ZC3H8: variants seen among roughly 807,000 people sequenced by gnomAD.
ZC3H8 encodes zinc finger CCCH domain-containing protein 8.
ZC3H8 carries 27 observed loss-of-function variants against 42.5 expected under a neutral mutation model. That is an observed-to-expected ratio of 0.64 (90% CI 0.47 to 0.88). The LOEUF (loss-of-function observed/expected upper bound fraction) is 0.88, where lower values mean the gene tolerates loss of function less well. ZC3H8 is among the 40% of genes least tolerant of loss of function. The probability of loss-of-function intolerance (pLI) is 0.00; values close to 1 mark genes in which losing one functional copy is unlikely to be tolerated. For missense variants in ZC3H8, 277 were observed against 336.1 expected, an observed-to-expected ratio of 0.82 and a Z score of 1.37; for synonymous variants, 101 against 110.1, an observed-to-expected ratio of 0.92 and a Z score of 0.52.
At chr2:112,226,679 T>C (rs977266543) in intron 8 of ZC3H8, among the ~76,000 whole-genome samples, 5 of 140,386 alleles carry the variant, frequency 3.6e-5, no homozygotes, top group African/African-American at 1.4e-4. Context: ...TTCCAGAAAA[T>C]AGGGGAAGCT....
intron 2 of ZC3H8, among the ~76,000 whole-genome samples, chr2:112,244,762 G>A (rs1482639176): frequency 4.6e-5 from 7 of 152,194 alleles, no homozygotes; most frequent in Admixed American, 1.3e-4. Flanking sequence ...CATGAACCAT[G>A]CCCACATAAG....
chr2:112,236,696 C>A lies in ZC3H8; in HGVS notation c.371-1G>T. The stretch of plus-strand genomic sequence containing the variant: ...AGATTTTTATTTTTTTGTTTAGCAG[C>A]TAAAAACAAAAAATTAATTTAAAAA... On this transcript the variant is annotated splice_acceptor_variant, in intron 3 of 8. Coordinates refer to ENST00000409573, the MANE Select transcript of ZC3H8 (RefSeq NM_032494.3). LOFTEE classifies it high-confidence loss of function. The A allele has an allele frequency of 6.2e-7, 1 of 1,600,078 alleles. No homozygotes were observed. Among genetic ancestry groups the A allele is most frequent in the South Asian group, 1.1e-5 (1 of 88,938 alleles).
chr2:112,251,281 T>C (rs1685938596), intron 1 of ZC3H8, among the ~76,000 whole-genome samples: 1 of 152,206 alleles, frequency 6.6e-6, no homozygotes, highest in Non-Finnish European at 1.5e-5. Flanking sequence ...GCTCCGTGGC[T>C]GTTCTTTCAA....
At chr2:112,237,752 T>G (rs1685402513) in intron 3 of ZC3H8, among the ~76,000 whole-genome samples, 1 of 151,952 alleles carries the variant, frequency 6.6e-6, no homozygotes, top group Admixed American at 6.6e-5. Context: ...CTTTTTTTTA[T>G]TTTTAGGTTT....
At chr2:112,232,180 C>T (rs1337156382) in intron 6 of ZC3H8, among the ~76,000 whole-genome samples, 1 of 151,772 alleles carries the variant, frequency 6.6e-6, no homozygotes, top group Admixed American at 6.6e-5. Flanking sequence ...GGCATGGTGG[C>T]GCAGGCATGC....
chr2:112,231,352 A>T (rs1224403648), intron 7 of ZC3H8, among the ~76,000 whole-genome samples: 1 of 152,194 alleles, frequency 6.6e-6, no homozygotes, highest in Non-Finnish European at 1.5e-5. Flanking sequence ...GACTAGCTCC[A>T]ACTAACATGA....
At chr2:112,252,268 C>A (rs1685975502) in intron 1 of ZC3H8, among the ~76,000 whole-genome samples, 2 of 152,180 alleles carry the variant, frequency 1.3e-5, no homozygotes, top group African/African-American at 4.8e-5. Context: ...GAAGCCTAAT[C>A]CTTCTTGCTA....
At chr2:112,219,192 A>C (rs1684475295) in intron 8 of ZC3H8, among the ~76,000 whole-genome samples, 1 of 152,238 alleles carries the variant, frequency 6.6e-6, no homozygotes, top group South Asian at 2.1e-4. Context: ...AGTTCAATAC[A>C]AAGTGATAGT....
At chr2:112,224,069 G>A (rs1183574587) in intron 8 of ZC3H8, among the ~76,000 whole-genome samples, 1 of 152,118 alleles carries the variant, frequency 6.6e-6, no homozygotes, top group Non-Finnish European at 1.5e-5. Context: ...AGCCTGGGAG[G>A]CAGAGGTTGT....
At chr2:112,242,182 T>C (rs1685607387) in intron 2 of ZC3H8, among the ~76,000 whole-genome samples, 1 of 152,226 alleles carries the variant, frequency 6.6e-6, no homozygotes, top group South Asian at 2.1e-4. Flanking sequence ...GTCAGTGAAC[T>C]ACAACCCAAG....
chr2:112,218,581 T>C (rs1311773499), intron 8 of ZC3H8, among the ~76,000 whole-genome samples: 2 of 152,212 alleles, frequency 1.3e-5, no homozygotes, highest in East Asian at 1.9e-4. Context: ...CGGTTGACTC[T>C]TGAACAACAC....
chr2:112,244,921 AT>A (rs1305346742), intron 2 of ZC3H8, among the ~76,000 whole-genome samples: 1 of 152,188 alleles, frequency 6.6e-6, no homozygotes, highest in Non-Finnish European at 1.5e-5. Flanking sequence ...TAACCCTACA[AT>A]GGCTTCTAAG....
chr2:112,251,280 C>T (rs1022220533), intron 1 of ZC3H8, among the ~76,000 whole-genome samples: 7 of 152,148 alleles, frequency 4.6e-5, no homozygotes, highest in Non-Finnish European at 1.0e-4. Context: ...GGCTCCGTGG[C>T]TGTTCTTTCA....
At chr2:112,247,806 G>A (rs1445639634) in intron 2 of ZC3H8, among the ~76,000 whole-genome samples, 1 of 152,150 alleles carries the variant, frequency 6.6e-6, no homozygotes, top group Non-Finnish European at 1.5e-5. Context: ...ACGAAGTCTG[G>A]AGGAGCTAAA....
chr2:112,238,445 A>G lies in ZC3H8; in HGVS notation c.240T>C (p.Asp80=). The G allele has an allele frequency of 2.5e-6, 4 of 1,613,556 alleles. No homozygotes were observed. The highest frequency in any genetic ancestry group is 3.4e-6 in the Non-Finnish European group (4 of 1,179,880). Residue 80 remains aspartate, a synonymous_variant, in exon 3 of 9, where the codon GAT becomes GAC. Transcript: ENST00000409573. ...SKDYDVYSDN[D]ICSQESEDNF... The stretch of plus-strand genomic sequence containing the variant: ...TATCTTCTGATTCCTGACTGCAGAT[A>G]TCATTATCACTATATACATCATAGT...
chr2:112,236,484 C>T (rs1685339756), intron 4 of ZC3H8, 78 bp downstream of exon 4: 1 of 1,562,418 alleles, frequency 6.4e-7, no homozygotes, highest in Non-Finnish European at 8.6e-7. Context: ...TCACATAGCA[C>T]TTCTTGTCAC....
At chr2:112,248,648 G>A (rs1164353084) in intron 2 of ZC3H8, among the ~76,000 whole-genome samples, 3 of 152,096 alleles carry the variant, frequency 2.0e-5, no homozygotes, top group Non-Finnish European at 4.4e-5. Context: ...CTGCCACCAT[G>A]CTTGGCTAAT....
At position 112,255,035 on chromosome 2, in the gene ZC3H8, G is replaced by A. The variant is rs1167153374; in HGVS notation, c.-54C>T. On this transcript the variant is annotated 5_prime_UTR_variant, in exon 1 of 9. Coordinates refer to ENST00000409573, the MANE Select transcript of ZC3H8 (RefSeq NM_032494.3). The stretch of plus-strand genomic sequence containing the variant: ...CCGGGAAGCTACAGAGTAACAACCC[G>A]AGAGAGTGACAACCCGGACGCGACG... 5 of 1,540,380 alleles carry A rather than the reference G, an allele frequency of 3.2e-6. No homozygotes were observed. The highest frequency in any genetic ancestry group is 2.6e-6 in the Non-Finnish European group (3 of 1,141,232).
chr2:112,246,761 T>A (rs1415044962), intron 2 of ZC3H8, among the ~76,000 whole-genome samples: 1 of 152,242 alleles, frequency 6.6e-6, no homozygotes, highest in African/African-American at 2.4e-5. Flanking sequence ...TAGAATATTA[T>A]ATAAACCTAG....
Sources: allele counts gnomAD v4.1 joint callset (sites outside exome capture counted in the v4.1 genomes callset), GRCh38; gene constraint gnomAD v4.1.1; transcripts MANE v1.5; gene names NCBI Gene and HGNC (gene_info 2026-07-23, HGNC 2026-07-21).